C11orf24: variants seen among roughly 807,000 people sequenced by gnomAD.
C11orf24 encodes uncharacterized protein C11orf24.
C11orf24 carries 5 observed loss-of-function variants against 7.3 expected under a neutral mutation model. The observed-to-expected ratio is 0.69, with a 90% CI of 0.36 to 1.45. The LOEUF (loss-of-function observed/expected upper bound fraction) is 1.45. Ranked by LOEUF, C11orf24 falls within the 40% of genes most tolerant of loss-of-function variation. The pLI, the probability that C11orf24 is intolerant of heterozygous loss-of-function variation, is 0.03. For synonymous variants in C11orf24, 233 were observed against 235.7 expected (o/e 0.99, Z 0.11); for missense variants, 566 against 590.5 (o/e 0.96, Z 0.43).
rs566727479 is a variant in C11orf24, at chr11:68,265,605, T to A, written c.-99-1739A>T. On this transcript the variant is annotated intron_variant, in intron 2 of 3. Transcript: ENST00000304271. ...GTTTTGACCTCCCAGGCTCAAATGA[T>A]CCTCCCACCTCAGCTGGGATCACAG... 1.4e-4 allele frequency among the ~76,000 whole-genome samples: 22 copies of A among 152,244 alleles called. 1 individual carries two copies. Among genetic ancestry groups the A allele is most frequent in the Admixed American group, 1.4e-3 (22 of 15,288 alleles).
At position 68,261,851 on chromosome 11, in the gene C11orf24, C is replaced by T. The variant is rs767910364; in HGVS notation, c.1144G>A (p.Gly382Ser). The change falls in exon 4 of 4, where the codon GGC becomes AGC. Residue 382 changes from glycine (G) to serine (S), a missense_variant. By Grantham distance (56) the Gly-to-Ser change is moderately conservative (BLOSUM62 0). Coordinates refer to ENST00000304271, the MANE Select transcript of C11orf24 (RefSeq NM_022338.4). ...TCAGTGGTGACCACCATGTACTGGC[C>T]TTGGGTGCTGGGCTGGCACGAGTCC... ...ATDSCQPSTQGQYMVVTTEPL... is the reference protein window; with the variant it reads ...ATDSCQPSTQSQYMVVTTEPL... The T allele has an allele frequency of 7.4e-6, 12 of 1,614,034 alleles. No homozygotes were observed. In the East Asian group the frequency reaches 2.7e-4, roughly 36 times the overall value.
chr11:68,266,297 G>A (rs924834473), intron 2 of C11orf24, among the ~76,000 whole-genome samples: 2 of 152,180 alleles, frequency 1.3e-5, no homozygotes, highest in African/African-American at 2.4e-5. Context: ...TTCCAGCTAC[G>A]CAAAAGCAGC....
rs2098562600 is a variant in C11orf24, at chr11:68,262,771, T to G, written c.224A>C (p.Asn75Thr). Residue 75 changes from asparagine to threonine, a missense_variant, in exon 4 of 4, where the codon AAC (asparagine) becomes ACC (threonine). Physicochemically the swap from Asn to Thr is moderately conservative, Grantham distance 65. Transcript: ENST00000304271. ...GTCCTCTGTTGTGACTTCCATAGAG[T>G]TGAGGTGGGCTGCCGAAGTCCCTTT... ...LTKGTSAAHLNSMEVTTEDTS... is the reference protein window; with the variant it reads ...LTKGTSAAHLTSMEVTTEDTS... The G allele has an allele frequency of 1.2e-6, 2 of 1,614,038 alleles. No homozygotes were observed. Among genetic ancestry groups the G allele is most frequent in the Non-Finnish European group, 1.7e-6 (2 of 1,179,996 alleles).
chr11:68,268,580 G>A (rs1383999990), intron 1 of C11orf24, among the ~76,000 whole-genome samples: 1 of 152,112 alleles, frequency 6.6e-6, no homozygotes, highest in Non-Finnish European at 1.5e-5. Context: ...TAATCCCAGC[G>A]ACTTGGGAGG....
Position 68,261,603 on chromosome 11 carries a change from G to A in C11orf24, c.*42C>T. Reference sequence around the variant, plus strand: ...TTTGGTCTCAAAGGCAAAAGGAAAGGACGAGGAAGGGGCCAGGCCTCCCGC... The same window carrying A: ...TTTGGTCTCAAAGGCAAAAGGAAAGAACGAGGAAGGGGCCAGGCCTCCCGC... On this transcript the variant is annotated 3_prime_UTR_variant, in exon 4 of 4. Coordinates refer to ENST00000304271, the MANE Select transcript of C11orf24 (RefSeq NM_022338.4). 6.5e-7 allele frequency: 1 copy of A among 1,543,816 alleles called. No individual in the cohort carries two copies. Among genetic ancestry groups the A allele is most frequent in the Non-Finnish European group, 8.8e-7 (1 of 1,140,372 alleles).
In C11orf24 at chr11:68,262,218, C is replaced by T. The variant is rs2098562156; in HGVS notation, c.777G>A (p.Gln259=). 1 of 1,612,902 alleles carries T rather than the reference C, an allele frequency of 6.2e-7. No individual in the cohort carries two copies. The change falls in exon 4 of 4, where the codon CAG becomes CAA. Residue 259 remains glutamine (Q), a synonymous_variant. Coordinates refer to ENST00000304271, the MANE Select transcript of C11orf24 (RefSeq NM_022338.4). ...TAACCACAGGCTGGTCCACTGACAC[C>T]TGGCTAATGGGACCTTGTGCTTGGG... ...MRPQAQGPIS[Q]VSVDQPVVNT...
rs2153102912 is a variant in C11orf24 at position 68,261,674 on chromosome 11, T to C, written c.1321A>G (p.Asn441Asp). ...ATTTCTGAGTCCGCATACATCCCGTTGATTAAGTAGTCCACCTGGGTGTAG... is the reference window on the plus strand; with the variant it reads ...ATTTCTGAGTCCGCATACATCCCGTCGATTAAGTAGTCCACCTGGGTGTAG... ...KDYTQVDYLI[N>D]GMYADSEM The change falls in exon 4 of 4, where the codon AAC becomes GAC. Residue 441 changes from asparagine to aspartate, a missense_variant. Transcript: ENST00000304271. 1.2e-6 allele frequency: 2 copies of C among 1,611,514 alleles called. No homozygotes were observed. The highest frequency in any genetic ancestry group is 1.7e-6 in the Non-Finnish European group (2 of 1,177,760).
At chr11:68,269,144 T>G (rs1685698) in intron 1 of C11orf24, among the ~76,000 whole-genome samples, 4 of 151,948 alleles carry the variant, frequency 2.6e-5, no homozygotes, top group Admixed American at 1.3e-4. Context: ...GTATCACTTT[T>G]GGAAAACATT....
chr11:68,261,935 C>G lies in C11orf24; in HGVS notation c.1060G>C (p.Gly354Arg), dbSNP rs150936018. ...GGTGTTGGCCCAGTGGAATCAGTACCTGGTGTGGCTTCAGTCTCTACCTGC... is the reference window on the plus strand; with the variant it reads ...GGTGTTGGCCCAGTGGAATCAGTACGTGGTGTGGCTTCAGTCTCTACCTGC... Reference protein sequence around the residue: ...PEQVETEATPGTDSTGPTPRS... With the variant: ...PEQVETEATPRTDSTGPTPRS... Residue 354 changes from glycine (G) to arginine (R), a missense_variant, in exon 4 of 4, where the codon GGT (glycine) becomes CGT (arginine). Physicochemically the swap from Gly to Arg is moderately radical, Grantham distance 125. Transcript: ENST00000304271. The G allele has an allele frequency of 1.9e-6, 3 of 1,613,902 alleles. No homozygotes were observed. In the South Asian group the frequency reaches 3.3e-5, roughly 18 times the overall value.
rs148904359 is a variant in C11orf24, at chr11:68,261,810, G to A, written c.1185C>T (p.Ala395=). The change falls in exon 4 of 4, where the codon GCC becomes GCT. Residue 395 remains alanine (A), a synonymous_variant. Transcript: ENST00000304271. ...CCAGAAGGAGAGTTTTGTCTACCAC[G>A]GCCTGGGTGAGGGGCTCAGTGGTGA... ...MVVTTEPLTQ[A]VVDKTLLLVV... 49 of 1,614,084 alleles carry A rather than the reference G, an allele frequency of 3.0e-5. No individual in the cohort carries two copies. The highest frequency in any genetic ancestry group is 8.3e-5 in the Admixed American group (5 of 60,016).
In C11orf24 at chr11:68,261,586, C is replaced by CA. The variant is rs757004835; in HGVS notation, c.*58dup. Reference sequence around the variant, plus strand: ...AATTTGGAAGCACTTGGTTTGGTCTCAAAGGCAAAAGGAAAGGACGAGGAA... The same window carrying CA: ...AATTTGGAAGCACTTGGTTTGGTCTCAAAAGGCAAAAGGAAAGGACGAGGAA... On this transcript the variant is annotated 3_prime_UTR_variant, in exon 4 of 4. Coordinates refer to ENST00000304271, the MANE Select transcript of C11orf24 (RefSeq NM_022338.4). 1 of 1,497,908 alleles carries CA rather than the reference C, an allele frequency of 6.7e-7. No homozygotes were observed. Among genetic ancestry groups the CA allele is most frequent in the Non-Finnish European group, 9.0e-7 (1 of 1,112,042 alleles). The allele number at this position is 1,497,908 out of a possible 1,614,324, so 92.8% of individuals were successfully genotyped here. A position where few individuals can be genotyped will look rare whatever the true frequency, so the allele number is the denominator to read the frequency against.
At chr11:68,271,439 C>T (rs1316110996) in intron 1 of C11orf24, among the ~76,000 whole-genome samples, 1 of 152,100 alleles carries the variant, frequency 6.6e-6, no homozygotes, top group Admixed American at 6.5e-5. Flanking sequence ...CAAGTAAGAG[C>T]GACACTTCTT....
chr11:68,261,999 G>C lies in C11orf24; in HGVS notation c.996C>G (p.Thr332=). 6.2e-7 allele frequency: 1 copy of C among 1,614,078 alleles called. No homozygotes were observed. The highest frequency in any genetic ancestry group is 8.5e-7 in the Non-Finnish European group (1 of 1,180,048). The change falls in exon 4 of 4, where the codon ACC becomes ACG. Residue 332 remains threonine, a synonymous_variant. Coordinates refer to ENST00000304271, the MANE Select transcript of C11orf24 (RefSeq NM_022338.4). ...PTTQPSPMPY[T]QRAAGPGTSQ... The stretch of plus-strand genomic sequence containing the variant: ...ATGTGCCTGGCCCAGCGGCCCTCTG[G>C]GTATATGGCATGGGGCTTGGCTGTG...
At chr11:68,271,308 T>C (rs2098567816) in intron 1 of C11orf24, among the ~76,000 whole-genome samples, 1 of 152,082 alleles carries the variant, frequency 6.6e-6, no homozygotes, top group African/African-American at 2.4e-5. Flanking sequence ...ACACGGGGGC[T>C]ACTAAGTGAC....
In C11orf24 at chr11:68,263,727, G is replaced by A. The variant is rs973677614; in HGVS notation, c.41C>T (p.Ser14Phe). The A allele has an allele frequency of 6.2e-7, 1 of 1,613,444 alleles. No individual in the cohort carries two copies. Among genetic ancestry groups the A allele is most frequent in the Non-Finnish European group, 8.5e-7 (1 of 1,179,976 alleles). Residue 14 changes from serine to phenylalanine, a missense_variant, in exon 3 of 4, where the codon TCC becomes TTC. Physicochemically the swap from Ser to Phe is radical, Grantham distance 155. Coordinates refer to ENST00000304271, the MANE Select transcript of C11orf24 (RefSeq NM_022338.4). The stretch of plus-strand genomic sequence containing the variant: ...GGATGCCGCATGGCTTTCAGATAAG[G>A]ACAAGGAGAAAATCCAAATGAGCAC... ...ALVLIWIFSL[S>F]LSESHAASND...
chr11:68,269,925 C>T (rs1470841458), intron 1 of C11orf24, among the ~76,000 whole-genome samples: 1 of 152,188 alleles, frequency 6.6e-6, no homozygotes, highest in African/African-American at 2.4e-5. Flanking sequence ...AGATCCCATG[C>T]GGGAACCTGT....
In C11orf24 at chr11:68,261,867, G is replaced by A. The variant is rs2153102978; in HGVS notation, c.1128C>T (p.Cys376=). The A allele has an allele frequency of 3.7e-6, 6 of 1,614,116 alleles. No homozygotes were observed. Among genetic ancestry groups the A allele is most frequent in the Middle Eastern group, 1.6e-4 (1 of 6,062 alleles). The change falls in exon 4 of 4, where the codon TGC becomes TGT. Residue 376 remains cysteine (C), a synonymous_variant. Transcript: ENST00000304271. The stretch of plus-strand genomic sequence containing the variant: ...TGTACTGGCCTTGGGTGCTGGGCTG[G>A]CACGAGTCCGTGGCTGGCATCTTAG... ...GGTKMPATDS[C]QPSTQGQYMV...
In C11orf24 at chr11:68,268,523, C is replaced by G. The variant is rs111570379; in HGVS notation, c.-297-272G>C. 0.04 allele frequency among the ~76,000 whole-genome samples: 6,021 copies of G among 152,262 alleles called. 170 individuals carry two copies. Among genetic ancestry groups the G allele is most frequent in the East Asian group, 0.075 (387 of 5,184 alleles). On this transcript the variant is annotated intron_variant, in intron 1 of 3. Coordinates refer to ENST00000304271, the MANE Select transcript of C11orf24 (RefSeq NM_022338.4). ...TGACCAACATGGTGAAACCCCATCT[C>G]CACTAAAAATACAAAAAAATTAGCT...
intron 1 of C11orf24, among the ~76,000 whole-genome samples, chr11:68,270,091 T>C (rs1053960348): frequency 6.6e-6 from 1 of 152,074 alleles, no homozygotes; most frequent in African/African-American, 2.4e-5. Flanking sequence ...ACTGGGTAGA[T>C]CAGGGTCTCA....
Sources: gnomAD v4.1 joint callset for allele counts (sites outside exome capture counted in the v4.1 genomes callset) on GRCh38, gnomAD v4.1.1 for gene constraint, MANE v1.5 for transcripts, NCBI Gene and HGNC (gene_info 2026-07-23, HGNC 2026-07-21) for gene names.